The following ST18 variants were observed in gnomAD, a reference collection of about 807,000 sequenced individuals.
ST18 encodes suppression of tumorigenicity 18 protein.
In ST18, 50 loss-of-function variants were observed where a neutral mutation model predicts 110.0. That is an observed-to-expected ratio of 0.45 (90% CI 0.36 to 0.58). ST18 has a LOEUF of 0.58. ST18 is among the 20% of genes least tolerant of loss of function. The pLI is 0.00. For missense variants in ST18, 1,306 were observed against 1,280.1 expected (o/e 1.02, Z -0.31); for synonymous variants, 461 against 452.4 (o/e 1.02, Z -0.24).
intron 2 of ST18, among the ~76,000 whole-genome samples, chr8:52,328,061 G>A (rs1194694087): frequency 1.3e-5 from 2 of 152,212 alleles, no homozygotes; most frequent in African/African-American, 4.8e-5. Context: ...AAGAAACAAA[G>A]CCTAAAGTGC....
chr8:52,239,472 T>C (rs1435981357), intron 2 of ST18, among the ~76,000 whole-genome samples: 1 of 152,116 alleles, frequency 6.6e-6, no homozygotes, highest in African/African-American at 2.4e-5. Context: ...AGTGCTGGCA[T>C]CACACAGGGA....
intron 8 of ST18, among the ~76,000 whole-genome samples, chr8:52,201,685 C>T (rs2078033251): frequency 6.6e-6 from 1 of 152,230 alleles, no homozygotes; most frequent in Non-Finnish European, 1.5e-5. Context: ...CCTGGCTGCC[C>T]AGCCTTCAGT....
chr8:52,210,165 C>T (rs1425613818), intron 8 of ST18: 1 of 455,860 alleles, frequency 2.2e-6, no homozygotes, highest in African/African-American at 2.0e-5. Flanking sequence ...AACATGTCCC[C>T]CACTTGGAGC....
intron 9 of ST18, among the ~76,000 whole-genome samples, chr8:52,175,125 T>C (rs570916156): frequency 1.3e-5 from 2 of 152,234 alleles, no homozygotes; most frequent in African/African-American, 4.8e-5. Flanking sequence ...CTGCCTGAGC[T>C]TGGCACCACC....
At chr8:52,347,170 ATAG>A (rs1051007357) in intron 2 of ST18, among the ~76,000 whole-genome samples, 7 of 152,248 alleles carry the variant, frequency 4.6e-5, no homozygotes, top group Non-Finnish European at 1.0e-4. Context: ...GGTGACATAA[ATAG>A]TAAGTAAGAA....
At chr8:52,254,031 C>T (rs1034851303) in intron 2 of ST18, among the ~76,000 whole-genome samples, 1 of 151,608 alleles carries the variant, frequency 6.6e-6, no homozygotes, top group South Asian at 2.1e-4. Flanking sequence ...TAAAATAATG[C>T]TCAAATATAC....
chr8:52,303,666 C>T (rs551479589), intron 2 of ST18, among the ~76,000 whole-genome samples: 3 of 152,298 alleles, frequency 2.0e-5, no homozygotes, highest in Admixed American at 6.5e-5. Context: ...GCCAAAGATA[C>T]ACAAACAATG....
intron 2 of ST18, among the ~76,000 whole-genome samples, chr8:52,350,239 C>G (rs1459659974): frequency 2.0e-5 from 3 of 152,166 alleles, no homozygotes; most frequent in African/African-American, 7.2e-5. Context: ...ATTAGAAGCT[C>G]TTATTAGGTA....
chr8:52,351,686 G>A (rs771566056), intron 2 of ST18, among the ~76,000 whole-genome samples: 21 of 152,166 alleles, frequency 1.4e-4, no homozygotes, highest in Non-Finnish European at 2.9e-4. Context: ...CTTTTAAAAA[G>A]TTAAATGTGA....
At chr8:52,242,543 T>C (rs1419152661) in intron 2 of ST18, among the ~76,000 whole-genome samples, 1 of 152,112 alleles carries the variant, frequency 6.6e-6, no homozygotes, top group Non-Finnish European at 1.5e-5. Context: ...TTAATAGATA[T>C]AAAGTACTTA....
chr8:52,171,959 C>T lies in ST18; in HGVS notation c.902G>A (p.Gly301Glu). The T allele has an allele frequency of 6.2e-7, 1 of 1,614,146 alleles. No homozygotes were observed. Residue 301 changes from glycine to glutamate, a missense_variant, in exon 10 of 26, where the codon GGG (glycine) becomes GAG (glutamate). Transcript: ENST00000689386. ...EEGSDLEKAK[G>E]NLSLLEQAIA... The stretch of plus-strand genomic sequence containing the variant: ...TGCCTGCTCCAGCAAACTTAAATTC[C>T]CCTTGGCCTTTTCCAGGTCACTACC...
At chr8:52,322,428 T>C (rs547807922) in intron 2 of ST18, among the ~76,000 whole-genome samples, 4 of 152,332 alleles carry the variant, frequency 2.6e-5, no homozygotes, top group African/African-American at 4.8e-5. Flanking sequence ...TGAATAAAAA[T>C]AAAATTATAG....
intron 2 of ST18, among the ~76,000 whole-genome samples, chr8:52,235,846 T>C (rs749318691): frequency 2.6e-5 from 4 of 152,144 alleles, no homozygotes; most frequent in Non-Finnish European, 5.9e-5. Context: ...GGAGGGGATA[T>C]TAACATTGAA....
chr8:52,248,913 G>A (rs1258731554), intron 2 of ST18, among the ~76,000 whole-genome samples: 2 of 152,084 alleles, frequency 1.3e-5, no homozygotes, highest in Middle Eastern at 3.2e-3. Context: ...ATATATTAGG[G>A]GCTGGGGCAA....
chr8:52,167,045 A>G (rs2063250755), intron 10 of ST18, 59 bp from the exon 11 acceptor site: 3 of 1,558,258 alleles, frequency 1.9e-6, no homozygotes, highest in Non-Finnish European at 1.7e-6. Flanking sequence ...TTCCCATTCA[A>G]TAGAATGGCC....
chr8:52,362,618 A>G (rs983157343), intron 2 of ST18, among the ~76,000 whole-genome samples: 4 of 152,222 alleles, frequency 2.6e-5, no homozygotes, highest in African/African-American at 7.2e-5. Context: ...AGATATAATT[A>G]TATAATACAT....
intron 2 of ST18, among the ~76,000 whole-genome samples, chr8:52,231,563 C>T (rs527855905): frequency 3.3e-5 from 5 of 152,244 alleles, no homozygotes; most frequent in East Asian, 1.9e-4. Flanking sequence ...CCACAACCTC[C>T]GCCTCCGGGT....
At chr8:52,203,081 G>C (rs1332115118) in intron 8 of ST18, among the ~76,000 whole-genome samples, 1 of 152,126 alleles carries the variant, frequency 6.6e-6, no homozygotes, top group Admixed American at 6.6e-5. Context: ...GCCTACACTG[G>C]TAAATAAAAT....
At chr8:52,279,717 T>C (rs548345015) in intron 2 of ST18, among the ~76,000 whole-genome samples, 2 of 152,336 alleles carry the variant, frequency 1.3e-5, no homozygotes, top group African/African-American at 4.8e-5. Flanking sequence ...TGTTGGTGGA[T>C]GAGCATCTCT....
Sources: allele counts gnomAD v4.1 joint callset (sites outside exome capture counted in the v4.1 genomes callset), GRCh38; gene constraint gnomAD v4.1.1; transcripts MANE v1.5; gene names NCBI Gene and HGNC (gene_info 2026-07-23, HGNC 2026-07-21).